DPYD: variants seen among roughly 807,000 people sequenced by gnomAD.
DPYD encodes the protein dihydropyrimidine dehydrogenase.
Under a neutral mutation model 116.2 loss-of-function variants are expected in DPYD, and 109 were observed. The observed-to-expected ratio is 0.94, with a 90% CI of 0.80 to 1.10. The LOEUF (loss-of-function observed/expected upper bound fraction) is 1.10. Among genes scored for constraint, DPYD ranks in the 50% least tolerant of loss-of-function variants. The pLI is 0.00. For synonymous variants in DPYD, 440 were observed against 432.0 expected (o/e 1.02, Z -0.23); for missense variants, 1,302 against 1,254.5 (o/e 1.04, Z -0.57).
intron 8 of DPYD, among the ~76,000 whole-genome samples, chr1:97,635,082 C>T (rs1463438926): frequency 1.3e-5 from 2 of 151,818 alleles, no homozygotes; most frequent in African/African-American, 4.8e-5. Flanking sequence ...GAGAGTGATG[C>T]CTCTGAAGAG....
At position 97,079,141 on chromosome 1, in the gene DPYD, T is replaced by C; in HGVS notation, c.2913A>G (p.Ile971Met). 1 of 1,613,384 alleles carries C rather than the reference T, an allele frequency of 6.2e-7. No homozygotes were observed. Among genetic ancestry groups the C allele is most frequent in the African/African-American group, 1.3e-5 (1 of 74,970 alleles). The change falls in exon 23 of 23, where the codon ATA (isoleucine) becomes ATG (methionine). Residue 971 changes from isoleucine to methionine, a missense_variant. Coordinates refer to ENST00000370192, the MANE Select transcript of DPYD (RefSeq NM_000110.4). Reference sequence around the variant, plus strand: ...GCAGGTGGGTTTCTGGATCAAACTGTATAGCCTGCAAACAGAAATAGAGGG... The same window carrying C: ...GCAGGTGGGTTTCTGGATCAAACTGCATAGCCTGCAAACAGAAATAGAGGG... ...MTCNDSGYQA[I>M]QFDPETHLPT...
At chr1:97,309,310 C>T (rs899015835) in intron 16 of DPYD, among the ~76,000 whole-genome samples, 3 of 149,700 alleles carry the variant, frequency 2.0e-5, no homozygotes, top group African/African-American at 7.4e-5. Context: ...TTTGCAATCT[C>T]TGTCACAGTA....
intron 8 of DPYD, among the ~76,000 whole-genome samples, chr1:97,678,624 G>C (rs1428237889): frequency 6.6e-6 from 1 of 151,996 alleles, no homozygotes; most frequent in African/African-American, 2.4e-5. Flanking sequence ...ACTGTCTATG[G>C]GACTTTCAGA....
intron 8 of DPYD, among the ~76,000 whole-genome samples, chr1:97,599,825 A>G (rs1281756468): frequency 2.3e-5 from 3 of 132,718 alleles, no homozygotes; most frequent in Non-Finnish European, 4.7e-5. Flanking sequence ...GGAATTCGAG[A>G]TCAGCCTGAC....
chr1:97,665,824 C>T (rs1334986827), intron 8 of DPYD, among the ~76,000 whole-genome samples: 4 of 152,116 alleles, frequency 2.6e-5, no homozygotes, highest in African/African-American at 9.7e-5. Context: ...TAAAATAATT[C>T]CACTGTACTG....
At chr1:97,713,796 G>A (rs1018515680) in intron 5 of DPYD, among the ~76,000 whole-genome samples, 2 of 152,000 alleles carry the variant, frequency 1.3e-5, no homozygotes, top group African/African-American at 4.8e-5. Context: ...TGAGGGTTGG[G>A]TATTGGTTAA....
intron 19 of DPYD, among the ~76,000 whole-genome samples, chr1:97,195,573 T>C (rs866527858): frequency 0.019 from 576 of 29,704 alleles, 22 homozygotes; most frequent in African/African-American, 0.11. Flanking sequence ...AACTCTCATA[T>C]ATATATATAT....
chr1:97,266,146 A>G (rs1664213032), intron 18 of DPYD, among the ~76,000 whole-genome samples: 1 of 152,196 alleles, frequency 6.6e-6, no homozygotes, highest in African/African-American at 2.4e-5. Context: ...TAATATTTTT[A>G]GTAGAATATG....
chr1:97,313,704 A>G (rs1487065654), intron 16 of DPYD, among the ~76,000 whole-genome samples: 1 of 151,834 alleles, frequency 6.6e-6, no homozygotes, highest in African/African-American at 2.4e-5. Context: ...GCAGCCCTCC[A>G]TGACAAATCC....
intron 1 of DPYD, among the ~76,000 whole-genome samples, chr1:97,900,134 A>T (rs896320966): frequency 1.6e-4 from 25 of 152,006 alleles, no homozygotes; most frequent in African/African-American, 5.5e-4. Flanking sequence ...GGAGAGGTAT[A>T]CCTTGTTTTT....
chr1:97,720,149 T>C (rs145998427), intron 5 of DPYD: 43 of 946,510 alleles, frequency 4.5e-5, no homozygotes, highest in Middle Eastern at 5.4e-4. Flanking sequence ...CTCTCTCTCT[T>C]TCTCTCTCTC....
At chr1:97,344,948 A>T (rs1049772386) in intron 16 of DPYD, among the ~76,000 whole-genome samples, 18 of 151,920 alleles carry the variant, frequency 1.2e-4, no homozygotes, top group African/African-American at 4.1e-4. Flanking sequence ...CACTAGTAAA[A>T]TATGAAAGTG....
intron 13 of DPYD, among the ~76,000 whole-genome samples, chr1:97,513,193 T>C (rs1647939295): frequency 2.0e-5 from 3 of 151,390 alleles, no homozygotes; most frequent in East Asian, 1.9e-4. Flanking sequence ...TATATATATA[T>C]ACAGGATGAA....
rs968527078 is a variant in DPYD at position 97,319,986 on chromosome 1, T to C, written c.2059-13689A>G. 2.2e-5 allele frequency among the ~76,000 whole-genome samples: 3 copies of C among 138,610 alleles called. No homozygotes were observed. The East Asian group carries it at 6.5e-4, about 30-fold the overall frequency. The allele number at this position is 138,610 out of a possible 152,430, so 90.9% of individuals were successfully genotyped here. A position where few individuals can be genotyped will look rare whatever the true frequency, so the allele number is the denominator to read the frequency against. On this transcript the variant is annotated intron_variant, in intron 16 of 22. Transcript: ENST00000370192. ...AACAGAGCCAAAGACAAAAACCACA[T>C]GATTATCTCAATAGATGCAGAAAAG...
chr1:97,233,134 C>T (rs541201150), intron 19 of DPYD, among the ~76,000 whole-genome samples: 2 of 152,148 alleles, frequency 1.3e-5, no homozygotes, highest in African/African-American at 4.8e-5. Flanking sequence ...TCTTGGACAC[C>T]CGAGGGGCAT....
At chr1:97,349,878 T>G (rs919609272) in intron 16 of DPYD, among the ~76,000 whole-genome samples, 2 of 149,246 alleles carry the variant, frequency 1.3e-5, no homozygotes, top group Non-Finnish European at 3.0e-5. Context: ...GGGATGGCTG[T>G]GTCAAATGGT....
intron 6 of DPYD, among the ~76,000 whole-genome samples, chr1:97,699,037 C>G (rs1661450971): frequency 6.6e-6 from 1 of 151,964 alleles, no homozygotes; most frequent in East Asian, 1.9e-4. Flanking sequence ...TCAGTTATAT[C>G]TCCATTAAAA....
At chr1:97,232,834 A>G (rs1021263204) in intron 19 of DPYD, among the ~76,000 whole-genome samples, 11 of 152,134 alleles carry the variant, frequency 7.2e-5, no homozygotes, top group African/African-American at 2.4e-5. Context: ...TTGTTAATGC[A>G]ATTTTATAAT....
At chr1:97,682,198 A>C (rs1660460541) in intron 7 of DPYD, among the ~76,000 whole-genome samples, 1 of 152,018 alleles carries the variant, frequency 6.6e-6, no homozygotes, top group Non-Finnish European at 1.5e-5. Flanking sequence ...GGGATAGAAA[A>C]CAGTTGAGTT....
Sources: allele counts gnomAD v4.1 joint callset (sites outside exome capture counted in the v4.1 genomes callset), GRCh38; gene constraint gnomAD v4.1.1; transcripts MANE v1.5; gene names NCBI Gene and HGNC (gene_info 2026-07-23, HGNC 2026-07-21).